Variants in GLB1L2 observed in about 807,000 individuals in gnomAD.
GLB1L2 encodes the protein galactosidase beta 1 like 2.
GLB1L2 carries 68 observed loss-of-function variants against 84.1 expected under a neutral mutation model. The observed-to-expected ratio is 0.81, with a 90% confidence interval of 0.67 to 0.99. The LOEUF is 0.99. GLB1L2 is among the 50% of genes least tolerant of loss of function. The pLI, the probability that GLB1L2 is intolerant of heterozygous loss-of-function variation, is 0.00. For synonymous variants in GLB1L2, 290 were observed against 318.0 expected (o/e 0.91, Z 0.94); for missense variants, 762 against 805.6 (o/e 0.95, Z 0.66).
chr11:134,348,285 TA>T (rs1223588491), intron 5 of GLB1L2, among the ~76,000 whole-genome samples: 2 of 152,218 alleles, frequency 1.3e-5, no homozygotes, highest in African/African-American at 2.4e-5. Flanking sequence ...ATACTTACAC[TA>T]AAAAATTATT....
chr11:134,373,792 A>G lies in GLB1L2; in HGVS notation c.1579A>G (p.Lys527Glu). 1 of 1,609,638 alleles carries G rather than the reference A, an allele frequency of 6.2e-7. No homozygotes were observed. Among genetic ancestry groups the G allele is most frequent in the Non-Finnish European group, 8.5e-7 (1 of 1,175,986 alleles). The change falls in exon 16 of 19, where the codon AAG (lysine) becomes GAG (glutamate). Residue 527 changes from lysine to glutamate, a missense_variant. Transcript: ENST00000535456. ...NFRIYSLDMKKSFFQRFGLDK... is the reference protein window; with the variant it reads ...NFRIYSLDMKESFFQRFGLDK... ...CAGAATCTATAGCCTGGATATGAAG[A>G]AGAGCTTCTTTCAGAGGTGGGTCCC...
intron 1 of GLB1L2, among the ~76,000 whole-genome samples, chr11:134,335,577 G>A (rs944217656): frequency 6.6e-6 from 1 of 152,150 alleles, no homozygotes; most frequent in Non-Finnish European, 1.5e-5. Flanking sequence ...CCAGCAGAAG[G>A]AGACCAGAGT....
At chr11:134,341,902 G>A (rs1943467831) in intron 1 of GLB1L2, among the ~76,000 whole-genome samples, 1 of 123,916 alleles carries the variant, frequency 8.1e-6, no homozygotes, top group African/African-American at 3.2e-5. Flanking sequence ...GGGCAGGAGC[G>A]AGCGCCGGTG....
rs746538702 is a variant in GLB1L2 at position 134,374,665 on chromosome 11, C to G, written c.1771C>G (p.Pro591Ala). The change falls in exon 18 of 19, where the codon CCC becomes GCC. Residue 591 changes from proline (P) to alanine (A), a missense_variant. By Grantham distance (27) the Pro-to-Ala change is conservative. Coordinates refer to ENST00000535456, the MANE Select transcript of GLB1L2 (RefSeq NM_001370461.1). ...CCTTGGACGTTACTGGAACATTGGACCCCAGAAGACGCTTTACCTCCCAGG... is the reference window on the plus strand; with the variant it reads ...CCTTGGACGTTACTGGAACATTGGAGCCCAGAAGACGCTTTACCTCCCAGG... The part of the protein sequence containing the change: ...QNLGRYWNIG[P>A]QKTLYLPGPW... 19 of 1,614,050 alleles carry G rather than the reference C, an allele frequency of 1.2e-5. No individual in the cohort carries two copies. Among genetic ancestry groups the G allele is most frequent in the Non-Finnish European group, 1.3e-5 (15 of 1,179,992 alleles).
intron 1 of GLB1L2, among the ~76,000 whole-genome samples, chr11:134,341,383 C>CGACAGTTT (rs1274261629): frequency 1.4e-4 from 9 of 66,362 alleles, no homozygotes; most frequent in Admixed American, 3.9e-4. Flanking sequence ...TAACCCAAGG[C>CGACAGTTT]GACAGTTCTA....
At chr11:134,341,515 C>T (rs1034480618) in intron 1 of GLB1L2, among the ~76,000 whole-genome samples, 4 of 152,190 alleles carry the variant, frequency 2.6e-5, no homozygotes, top group South Asian at 2.1e-4. Context: ...AAGCCATTTA[C>T]TAGAACATGG....
chr11:134,347,409 G>A lies in GLB1L2; in HGVS notation c.534G>A (p.Leu178=). The A allele has an allele frequency of 3.7e-6, 6 of 1,613,044 alleles. No individual in the cohort carries two copies. The highest frequency in any genetic ancestry group is 5.1e-6 in the Non-Finnish European group (6 of 1,178,944). The change falls in exon 5 of 19, where the codon CTG becomes CTA. Residue 178 remains leucine, a synonymous_variant. Coordinates refer to ENST00000535456, the MANE Select transcript of GLB1L2 (RefSeq NM_001370461.1). ...CAGTGGACCTTTATTTTGACCACCT[G>A]ATGTCCAGGGTGGTGCCACTCCAGG... is the stretch of plus-strand genomic sequence containing the variant. ...TEAVDLYFDH[L]MSRVVPLQYK...
At chr11:134,340,782 A>G (rs761042128) in intron 1 of GLB1L2, among the ~76,000 whole-genome samples, 1 of 152,250 alleles carries the variant, frequency 6.6e-6, no homozygotes, top group Non-Finnish European at 1.5e-5. Context: ...CTGTGTGCCA[A>G]TACAATGATT....
At chr11:134,371,727 A>G (rs370577789) in intron 14 of GLB1L2, 25 bp from the exon 15 acceptor site, 18 of 1,612,666 alleles carry the variant, frequency 1.1e-5, no homozygotes, top group East Asian at 2.2e-5. Flanking sequence ...TCTGACAGTC[A>G]TCGTTAGCCC....
chr11:134,343,023 A>T, intron 2 of GLB1L2, 72 bp downstream of exon 2: 6 of 1,499,054 alleles, frequency 4.0e-6, no homozygotes, highest in Non-Finnish European at 5.4e-6. Flanking sequence ...GCGAAAAAAT[A>T]TAAGAGGAAC....
intron 7 of GLB1L2, 132 bp downstream of exon 7, chr11:134,359,273 G>A: frequency 1.6e-6 from 1 of 611,308 alleles, no homozygotes. Context: ...TATGGCACTG[G>A]GCTGCAGACA....
intron 5 of GLB1L2, among the ~76,000 whole-genome samples, chr11:134,348,702 G>C (rs1943584416): frequency 6.6e-6 from 1 of 152,164 alleles, no homozygotes; most frequent in Non-Finnish European, 1.5e-5. Flanking sequence ...CACAGCCTTA[G>C]TTCAGGCTGC....
At chr11:134,344,492 G>A (rs1943516584) in intron 3 of GLB1L2, 37 bp downstream of exon 3, 5 of 1,603,906 alleles carry the variant, frequency 3.1e-6, no homozygotes, top group Middle Eastern at 2.2e-4. Flanking sequence ...CTGGCCAGGG[G>A]CAGGGCACAG....
rs553745807 is a variant in GLB1L2, at chr11:134,370,440, G to C, written c.1215+41G>C. On this transcript the variant is annotated intron_variant, in intron 12 of 18. Coordinates refer to ENST00000535456, the MANE Select transcript of GLB1L2 (RefSeq NM_001370461.1). This position sits in a 1 kb window ranked among gnomAD's most constrained non-coding sequence, Gnocchi z 4.7. ...AGTCATCGGGAGGTGAGTGAGTGCC[G>C]GGGGCAGTCGTTGGCAGGGAGGTGA... 1.3e-6 allele frequency: 2 copies of C among 1,482,610 alleles called. No homozygotes were observed. Among genetic ancestry groups the C allele is most frequent in the South Asian group, 2.3e-5 (2 of 87,650 alleles). 91.8% of individuals were successfully genotyped at this position (1,482,610 alleles called of 1,614,324 possible).
In GLB1L2 at chr11:134,369,869, C is replaced by T. The variant is rs1174081559; in HGVS notation, c.1092C>T (p.Phe364=). 6.2e-7 allele frequency: 1 copy of T among 1,613,680 alleles called. No individual in the cohort carries two copies. The highest frequency in any genetic ancestry group is 8.5e-7 in the Non-Finnish European group (1 of 1,179,594). Residue 364 remains phenylalanine, a synonymous_variant, in exon 11 of 19, where the codon TTC becomes TTT. Coordinates refer to ENST00000535456, the MANE Select transcript of GLB1L2 (RefSeq NM_001370461.1). The part of the protein sequence containing the change: ...YTAKYMKLRD[F]FGSISGIPLP... The stretch of plus-strand genomic sequence containing the variant: ...CCAAGTACATGAAGCTTCGAGACTT[C>T]TTCGGCTCCATCTCAGGTACCCAGC...
rs1050910100 is a variant in GLB1L2, at chr11:134,334,482, A to G, written c.86+2335A>G. ...TTTATTTTTATTTTTTTTAAGCGTA[A>G]ACAGTGGTCTTTCTTAAAAATTACC... On this transcript the variant is annotated intron_variant, in intron 1 of 18. Transcript: ENST00000535456. This position sits in a 1 kb window ranked among gnomAD's most constrained non-coding sequence, Gnocchi z 4.1. Among the ~76,000 whole-genome samples the G allele has an allele frequency of 2.6e-5, 4 of 152,180 alleles. No homozygotes were observed. Among genetic ancestry groups the G allele is most frequent in the Admixed American group, 2.6e-4 (4 of 15,286 alleles).
chr11:134,361,917 C>A (rs955344763), intron 7 of GLB1L2, among the ~76,000 whole-genome samples: 1 of 152,182 alleles, frequency 6.6e-6, no homozygotes, highest in South Asian at 2.1e-4. Context: ...TTCCTCCTCG[C>A]CCCCGGCCAA....
chr11:134,335,108 A>G (rs970320905), intron 1 of GLB1L2, among the ~76,000 whole-genome samples: 1 of 152,084 alleles, frequency 6.6e-6, no homozygotes, highest in Non-Finnish European at 1.5e-5. Flanking sequence ...CGTCTCACAC[A>G]CTGCCCTGCC....
At position 134,370,305 on chromosome 11, in the gene GLB1L2, C is replaced by T; in HGVS notation, c.1121C>T (p.Pro374Leu). The change falls in exon 12 of 19, where the codon CCT becomes CTT. Residue 374 changes from proline to leucine, a missense_variant. Physicochemically the swap from Pro to Leu is moderately conservative, Grantham distance 98 (BLOSUM62 -3). Around this residue, in one of 3 missense-constraint regions of GLB1L2, gnomAD observed 603 missense variants for 611.7 expected, o/e 0.99. Transcript: ENST00000535456. This position sits in a 1 kb window ranked among gnomAD's most constrained non-coding sequence, Gnocchi z 4.7. ...TTCTGTGTTGCAGGCATCCCTCTCC[C>T]TCCCCCACCTGACCTTCTTCCCAAG... ...FFGSISGIPL[P>L]PPPDLLPKMP... 1 of 1,613,906 alleles carries T rather than the reference C, an allele frequency of 6.2e-7. No homozygotes were observed. Among genetic ancestry groups the T allele is most frequent in the South Asian group, 1.1e-5 (1 of 91,064 alleles).
Sources: gnomAD v4.1 joint callset for allele counts (sites outside exome capture counted in the v4.1 genomes callset) on GRCh38, gnomAD v4.1.1 for gene constraint, gnomAD v4.1.1 regional missense constraint, Gnocchi (gnomAD v3.1) non-coding constraint, MANE v1.5 for transcripts, NCBI Gene and HGNC (gene_info 2026-07-23, HGNC 2026-07-21) for gene names.